UNC79: variants seen among roughly 807,000 people sequenced by gnomAD.
The protein encoded by UNC79 is unc-79 subunit of NALCN channel complex.
UNC79 carries 37 observed loss-of-function variants against 283.1 expected under a neutral mutation model. The observed-to-expected ratio is 0.13, with a 90% CI of 0.10 to 0.17. The LOEUF (loss-of-function observed/expected upper bound fraction) is 0.17, where lower values mean the gene tolerates loss of function less well. UNC79 is among the 10% of genes least tolerant of loss of function. The pLI, the probability that UNC79 is intolerant of heterozygous loss-of-function variation, is 1.00. For missense variants in UNC79, 2,272 were observed against 3,211.1 expected, an observed-to-expected ratio of 0.71 and a Z score of 7.07; for synonymous variants, 1,107 against 1,200.2, an observed-to-expected ratio of 0.92 and a Z score of 1.61.
intron 4 of UNC79, among the ~76,000 whole-genome samples, chr14:93,483,771 T>C (rs1399753886): frequency 6.8e-6 from 1 of 147,802 alleles, no homozygotes; most frequent in African/African-American, 2.5e-5. Context: ...TTCCCACCTA[T>C]GAGTGAGAAC....
chr14:93,498,328 C>A (rs560151427), intron 7 of UNC79, among the ~76,000 whole-genome samples: 1 of 151,774 alleles, frequency 6.6e-6, no homozygotes, highest in Admixed American at 6.6e-5. Flanking sequence ...GTGGCTCACA[C>A]CTGTAATCCC....
intron 1 of UNC79, among the ~76,000 whole-genome samples, chr14:93,415,343 C>G (rs1339657477): frequency 6.6e-6 from 1 of 152,146 alleles, no homozygotes. Context: ...GTATATTGAA[C>G]CAGCCTTGCA....
intron 1 of UNC79, among the ~76,000 whole-genome samples, chr14:93,455,205 A>G (rs562393495): frequency 1.3e-5 from 2 of 152,158 alleles, no homozygotes; most frequent in South Asian, 4.2e-4. Flanking sequence ...ACAACCCTTC[A>G]TTTATGTCTT....
chr14:93,381,268 T>G (rs1183988575), intron 1 of UNC79, among the ~76,000 whole-genome samples: 1 of 152,224 alleles, frequency 6.6e-6, no homozygotes, highest in Non-Finnish European at 1.5e-5. Flanking sequence ...GAGGTATTGT[T>G]AGGAATATCA....
intron 1 of UNC79, among the ~76,000 whole-genome samples, chr14:93,372,983 A>G (rs2054484084): frequency 6.6e-6 from 1 of 152,246 alleles, no homozygotes; most frequent in African/African-American, 2.4e-5. Context: ...GATCACAATG[A>G]AACGAAACCA....
intron 1 of UNC79, among the ~76,000 whole-genome samples, chr14:93,401,748 T>C (rs1467259232): frequency 6.6e-6 from 1 of 152,188 alleles, no homozygotes; most frequent in East Asian, 1.9e-4. Context: ...TTGCCCAATG[T>C]CTTGTGACTG....
intron 7 of UNC79, among the ~76,000 whole-genome samples, chr14:93,505,209 A>G (rs1180971039): frequency 1.3e-5 from 2 of 152,226 alleles, no homozygotes; most frequent in East Asian, 3.9e-4. Context: ...GTATATTCTC[A>G]TGATATTTTT....
In UNC79 at chr14:93,650,516, G is replaced by A. The variant is rs532170681; in HGVS notation, c.6084-3226G>A. ...TGGTCATTCTGGTGGATGTGTAATG[G>A]GTATTTCATTATAGTTTTAACTTGC... On this transcript the variant is annotated intron_variant, in intron 35 of 48. Coordinates refer to ENST00000555664, the Ensembl canonical transcript of UNC79. 3.3e-5 allele frequency among the ~76,000 whole-genome samples: 5 copies of A among 152,082 alleles called. No individual in the cohort carries two copies. The South Asian group carries it at 1.0e-3, about 32-fold the overall frequency.
At chr14:93,606,371 A>G (rs2065890555) in intron 26 of UNC79, among the ~76,000 whole-genome samples, 1 of 152,246 alleles carries the variant, frequency 6.6e-6, no homozygotes, top group Non-Finnish European at 1.5e-5. Context: ...ATCATAAGCA[A>G]AACTTGCTTA....
At chr14:93,559,347 T>C (rs964262411) in intron 14 of UNC79, among the ~76,000 whole-genome samples, 1 of 152,234 alleles carries the variant, frequency 6.6e-6, no homozygotes, top group African/African-American at 2.4e-5. Flanking sequence ...ACTACTAAGT[T>C]AGGTTTTTAA....
intron 20 of UNC79, among the ~76,000 whole-genome samples, chr14:93,583,399 A>G (rs940798938): frequency 2.6e-5 from 4 of 152,172 alleles, no homozygotes; most frequent in Non-Finnish European, 4.4e-5. Context: ...TGGGCTTGGC[A>G]TCATTTCTTC....
At chr14:93,678,406 G>A (rs756747159) in intron 41 of UNC79, among the ~76,000 whole-genome samples, 47 of 152,172 alleles carry the variant, frequency 3.1e-4, no homozygotes, top group Admixed American at 3.9e-4. Flanking sequence ...ACCCCATAGG[G>A]AACTGCTGAT....
At position 93,527,674 on chromosome 14, in the gene UNC79, A is replaced by G. The variant is rs1170873328; in HGVS notation, c.964-884A>G. Reference sequence around the variant, plus strand: ...AACTAAAAAGAGTGTAGTTCCAGAAAAATTTGTGTATTAGGCATCTTAACT... The same window carrying G: ...AACTAAAAAGAGTGTAGTTCCAGAAGAATTTGTGTATTAGGCATCTTAACT... On this transcript the variant is annotated intron_variant, in intron 8 of 48. Coordinates refer to ENST00000555664, the Ensembl canonical transcript of UNC79. 2.0e-5 allele frequency among the ~76,000 whole-genome samples: 3 copies of G among 152,262 alleles called. No individual in the cohort carries two copies. In the East Asian group the frequency reaches 5.8e-4, roughly 29 times the overall value.
chr14:93,425,870 A>C (rs2055714904), upstream of UNC79, among the ~76,000 whole-genome samples: 1 of 152,188 alleles, frequency 6.6e-6, no homozygotes, highest in African/African-American at 2.4e-5. Flanking sequence ...TTTACATTTT[A>C]AAACTCTTCA....
chr14:93,563,845 A>G (rs1268435396), intron 14 of UNC79, among the ~76,000 whole-genome samples: 1 of 152,226 alleles, frequency 6.6e-6, no homozygotes, highest in Non-Finnish European at 1.5e-5. Context: ...GAGACTCAAC[A>G]AAGAGTGAGT....
chr14:93,536,341 CTTAG>C (rs150751388), intron 11 of UNC79, among the ~76,000 whole-genome samples: 11,953 of 152,172 alleles, frequency 0.079, 516 homozygotes, highest in Middle Eastern at 0.14. Context: ...TCACTTGTTC[CTTAG>C]TTAGGTGCGA....
intron 1 of UNC79, among the ~76,000 whole-genome samples, chr14:93,348,864 G>A (rs2053923520): frequency 6.6e-6 from 1 of 152,188 alleles, no homozygotes; most frequent in South Asian, 2.1e-4. Flanking sequence ...ATTGAACAAA[G>A]AAAGATAAAG....
intron 48 of UNC79, 94 bp from the exon 52 acceptor site, chr14:93,706,610 C>A: frequency 7.0e-7 from 1 of 1,429,124 alleles, no homozygotes; most frequent in South Asian, 1.2e-5. Context: ...TTGAGCCAAG[C>A]CTAAATTCTG....
chr14:93,550,322 C>T (rs1426289909), intron 14 of UNC79, among the ~76,000 whole-genome samples: 2 of 152,112 alleles, frequency 1.3e-5, no homozygotes, highest in South Asian at 2.1e-4. Flanking sequence ...AAGTTCTAGC[C>T]TGGCCAACAT....
Sources: allele counts gnomAD v4.1 joint callset (sites outside exome capture counted in the v4.1 genomes callset), GRCh38; gene constraint gnomAD v4.1.1; transcripts MANE v1.5; gene names NCBI Gene and HGNC (gene_info 2026-07-23, HGNC 2026-07-21).